PTPRD: variants seen among roughly 807,000 people sequenced by gnomAD.
PTPRD encodes the protein protein tyrosine phosphatase receptor type D.
A neutral mutation model predicts 214.5 loss-of-function variants in PTPRD; 34 were observed. The ratio of observed to expected loss-of-function variants is 0.16; its 90% confidence interval spans 0.12 to 0.21. PTPRD has a LOEUF of 0.21. Ranked by LOEUF, PTPRD falls within the 10% of genes least tolerant of loss-of-function variation. The pLI is 1.00. For missense variants in PTPRD, 2,545 were observed against 2,398.7 expected (o/e 1.06, Z -1.27); for synonymous variants, 1,128 against 845.7 (o/e 1.33, Z -5.79).
Position 10,439,640 on chromosome 9 carries a change from G to C in PTPRD, c.-599-98623C>G, listed in dbSNP as rs964081292. Among the ~76,000 whole-genome samples, 16 of 151,464 alleles carry C rather than the reference G, an allele frequency of 1.1e-4. No homozygotes were observed. The South Asian group carries it at 1.2e-3, about 12-fold the overall frequency. The stretch of plus-strand genomic sequence containing the variant: ...TATTTTTGTGCAAACTATAAAGTGA[G>C]TTTTAAAAAAGAACAAAATAACAAC... On this transcript the variant is annotated intron_variant, in intron 2 of 45. Coordinates refer to ENST00000381196, the MANE Select transcript of PTPRD (RefSeq NM_002839.4).
At chr9:9,521,475 A>T (rs2096970650) in intron 8 of PTPRD, among the ~76,000 whole-genome samples, 1 of 152,176 alleles carries the variant, frequency 6.6e-6, no homozygotes, top group Admixed American at 6.5e-5. Context: ...CAGGTATATC[A>T]TCTGCATCTT....
At chr9:8,765,362 C>T (rs2094651538) in intron 11 of PTPRD, among the ~76,000 whole-genome samples, 1 of 152,202 alleles carries the variant, frequency 6.6e-6, no homozygotes, top group South Asian at 2.1e-4. Context: ...ACCATGACTT[C>T]CCTCTTGGGT....
At position 8,932,880 on chromosome 9, in the gene PTPRD, G is replaced by A. The variant is rs72706255; in HGVS notation, c.-104+85817C>T. 2.3e-3 allele frequency among the ~76,000 whole-genome samples: 356 copies of A among 152,220 alleles called. 2 individuals carry two copies. Among genetic ancestry groups the A allele is most frequent in the South Asian group, 8.9e-3 (43 of 4,834 alleles). ...CCGTCGCCTTTCCAGGGGAATGAAA[G>A]GTTCTGTCTTGCTGGTGTTCCAGGC... is the stretch of plus-strand genomic sequence containing the variant. On this transcript the variant is annotated intron_variant, in intron 11 of 45. Transcript: ENST00000381196.
At chr9:9,256,846 TAA>T in intron 9 of PTPRD, among the ~76,000 whole-genome samples, 1 of 152,142 alleles carries the variant, frequency 6.6e-6, no homozygotes, top group South Asian at 2.1e-4. Flanking sequence ...GAAAAATCTC[TAA>T]GTCTTATTTG....
intron 2 of PTPRD, among the ~76,000 whole-genome samples, chr9:10,435,413 G>T (rs12348703): frequency 0.13 from 19,878 of 151,772 alleles, 1,622 homozygotes; most frequent in East Asian, 0.39. Flanking sequence ...TTCACAGAAA[G>T]AAATCAAAAG....
chr9:8,531,427 G>A (rs10123138), intron 14 of PTPRD, among the ~76,000 whole-genome samples: 22,083 of 152,020 alleles, frequency 0.15, 1,939 homozygotes, highest in East Asian at 0.28. Flanking sequence ...CACACGTTAT[G>A]TTATTAAATA....
At chr9:10,358,820 T>C (rs1192042482) in intron 2 of PTPRD, among the ~76,000 whole-genome samples, 1 of 151,986 alleles carries the variant, frequency 6.6e-6, no homozygotes, top group African/African-American at 2.4e-5. Context: ...ATCATATATT[T>C]TGAGCTTCAC....
intron 10 of PTPRD, among the ~76,000 whole-genome samples, chr9:9,181,718 A>G (rs985285756): frequency 1.3e-5 from 2 of 152,172 alleles, no homozygotes; most frequent in African/African-American, 2.4e-5. Flanking sequence ...TCTAGAATCT[A>G]TGAAATTTGC....
chr9:9,887,933 C>G (rs868130366), intron 5 of PTPRD, among the ~76,000 whole-genome samples: 1 of 152,074 alleles, frequency 6.6e-6, no homozygotes, highest in African/African-American at 2.4e-5. Flanking sequence ...GGAGATAATA[C>G]ACTCACATGA....
intron 8 of PTPRD, among the ~76,000 whole-genome samples, chr9:9,430,868 G>C (rs978562408): frequency 2.6e-5 from 4 of 152,134 alleles, no homozygotes; most frequent in Admixed American, 6.5e-5. Flanking sequence ...AGCTGAAACT[G>C]GATCCCTTCC....
chr9:9,344,593 G>T (rs898813399), intron 9 of PTPRD, among the ~76,000 whole-genome samples: 3 of 151,882 alleles, frequency 2.0e-5, no homozygotes, highest in African/African-American at 7.3e-5. Flanking sequence ...CTGTATTCAT[G>T]ACTAAAATTC....
chr9:10,146,410 GTAA>G (rs2154271818), intron 3 of PTPRD, among the ~76,000 whole-genome samples: 1 of 152,044 alleles, frequency 6.6e-6, no homozygotes, highest in African/African-American at 2.4e-5. Context: ...AGAGAGACAA[GTAA>G]TAAATAAACA....
chr9:9,535,959 A>G (rs2076438301), intron 8 of PTPRD, among the ~76,000 whole-genome samples: 1 of 152,048 alleles, frequency 6.6e-6, no homozygotes, highest in Non-Finnish European at 1.5e-5. Context: ...AACTACTCCT[A>G]AGAGAAATCT....
intron 3 of PTPRD, among the ~76,000 whole-genome samples, chr9:10,187,662 A>T (rs1395821945): frequency 6.6e-6 from 1 of 152,208 alleles, no homozygotes; most frequent in African/African-American, 2.4e-5. Flanking sequence ...GCCGTGAAGG[A>T]AAATCTGCCC....
At chr9:8,655,454 C>T (rs1412711771) in intron 12 of PTPRD, among the ~76,000 whole-genome samples, 2 of 152,114 alleles carry the variant, frequency 1.3e-5, no homozygotes, top group Admixed American at 6.5e-5. Flanking sequence ...TCCTTCACCC[C>T]TGAATAATAA....
intron 26 of PTPRD, among the ~76,000 whole-genome samples, chr9:8,494,019 C>T (rs893421655): frequency 2.0e-5 from 3 of 150,658 alleles, no homozygotes; most frequent in Non-Finnish European, 4.4e-5. Flanking sequence ...CACACACACA[C>T]ACACACACAC....
chr9:8,774,630 G>T (rs10977291), intron 11 of PTPRD, among the ~76,000 whole-genome samples: 1 of 149,796 alleles, frequency 6.7e-6, no homozygotes. Context: ...CGCCTCCTGG[G>T]TTCAAGTGAT....
intron 12 of PTPRD, among the ~76,000 whole-genome samples, chr9:8,712,664 T>C (rs1597691914): frequency 6.6e-6 from 1 of 151,816 alleles, no homozygotes; most frequent in East Asian, 1.9e-4. Flanking sequence ...TATTCTACTG[T>C]ATTCAGTCTT....
At chr9:9,403,337 C>G (rs1191485861) in intron 8 of PTPRD, among the ~76,000 whole-genome samples, 1 of 139,202 alleles carries the variant, frequency 7.2e-6, no homozygotes, top group African/African-American at 2.7e-5. Flanking sequence ...CAGAACTAAT[C>G]TTAAAAGAAT....
Sources: allele counts gnomAD v4.1 joint callset (sites outside exome capture counted in the v4.1 genomes callset), GRCh38; gene constraint gnomAD v4.1.1; transcripts MANE v1.5; gene names NCBI Gene and HGNC (gene_info 2026-07-23, HGNC 2026-07-21).